SHISA6: variants seen among roughly 807,000 people sequenced by gnomAD.
SHISA6 encodes protein shisa-6.
SHISA6 carries 22 observed loss-of-function variants against 47.9 expected under a neutral mutation model. The ratio of observed to expected loss-of-function variants is 0.46; its 90% CI spans 0.33 to 0.66. The LOEUF (loss-of-function observed/expected upper bound fraction) is 0.66, where lower values mean the gene tolerates loss of function less well. Ranked by LOEUF, SHISA6 falls within the 30% of genes least tolerant of loss-of-function variation. SHISA6 has a pLI of 0.02. For missense variants in SHISA6, 680 were observed against 764.6 expected (o/e 0.89, Z 1.30); for synonymous variants, 388 against 337.8 (o/e 1.15, Z -1.63).
intron 2 of SHISA6, among the ~76,000 whole-genome samples, chr17:11,346,213 G>A (rs1044528779): frequency 6.6e-6 from 1 of 152,002 alleles, no homozygotes; most frequent in Non-Finnish European, 1.5e-5. Context: ...AATCATATGG[G>A]TTTTTTGTTG....
chr17:11,311,341 A>G (rs1031736268), intron 2 of SHISA6, among the ~76,000 whole-genome samples: 1 of 151,232 alleles, frequency 6.6e-6, no homozygotes, highest in African/African-American at 2.4e-5. Context: ...TTGTGTGGAC[A>G]GGAAACTAAG....
At chr17:11,435,154 T>A (rs1200950497) in intron 3 of SHISA6, among the ~76,000 whole-genome samples, 2 of 152,108 alleles carry the variant, frequency 1.3e-5, no homozygotes, top group Non-Finnish European at 2.9e-5. Flanking sequence ...TCTCTCTCTC[T>A]TTTTTAACCA....
At chr17:11,464,939 TA>T (rs10706598) in intron 3 of SHISA6, among the ~76,000 whole-genome samples, 47,507 of 145,122 alleles carry the variant, frequency 0.33, 7,636 homozygotes, top group Admixed American at 0.37. Context: ...CAAAACTGAT[TA>T]AAAAAAAAAA....
chr17:11,556,872 G>T (rs1206000685), intron 5 of SHISA6, among the ~76,000 whole-genome samples: 1 of 152,168 alleles, frequency 6.6e-6, no homozygotes, highest in Non-Finnish European at 1.5e-5. Flanking sequence ...GGGCAATGCA[G>T]GTTTGTGTGT....
chr17:11,375,978 T>A (rs1310776274), intron 2 of SHISA6, among the ~76,000 whole-genome samples: 3 of 152,180 alleles, frequency 2.0e-5, no homozygotes, highest in African/African-American at 7.2e-5. Context: ...GGACTGTGTG[T>A]CTGTCCGTCC....
In SHISA6 at chr17:11,559,448, G is replaced by A. The variant is rs77794207; in HGVS notation, c.*1144G>A. On this transcript the variant is annotated 3_prime_UTR_variant, in exon 6 of 6. Coordinates refer to ENST00000441885, the MANE Select transcript of SHISA6 (RefSeq NM_207386.4). The surrounding 1 kb of genome is among the most constrained non-coding windows in gnomAD (Gnocchi z 4.4). ...CCCCAGACAAGGAGGATGAGAGGTG[G>A]TTGTCCTGCATCCTCTCCGCTCATC... The A allele has an allele frequency of 7.9e-3, 1,199 of 152,472 alleles. 19 individuals carry two copies. The highest frequency in any genetic ancestry group is 0.027 in the African/African-American group (1,131 of 41,538). The allele number at this position is 152,472 out of a possible 1,614,324, so 9.4% of individuals were successfully genotyped here.
At chr17:11,449,341 G>A (rs190797492) in intron 3 of SHISA6, among the ~76,000 whole-genome samples, 6 of 152,274 alleles carry the variant, frequency 3.9e-5, no homozygotes, top group African/African-American at 1.2e-4. Context: ...TACTCAGGAG[G>A]CTAAGGCAGG....
In SHISA6 at chr17:11,559,441, A is replaced by C. The variant is rs1293573904; in HGVS notation, c.*1137A>C. The C allele has an allele frequency of 6.6e-6, 1 of 152,380 alleles. No individual in the cohort carries two copies. The highest frequency in any genetic ancestry group is 1.5e-5 in the Non-Finnish European group (1 of 68,214). 9.4% of individuals were successfully genotyped at this position (152,380 alleles called of 1,614,324 possible). A position where few individuals can be genotyped will look rare whatever the true frequency, so the allele number is the denominator to read the frequency against. On this transcript the variant is annotated 3_prime_UTR_variant, in exon 6 of 6. Transcript: ENST00000441885. This position sits in a 1 kb window ranked among gnomAD's most constrained non-coding sequence, Gnocchi z 4.4. ...TTTCAGCCCCCAGACAAGGAGGATGAGAGGTGGTTGTCCTGCATCCTCTCC... is the reference window on the plus strand; with the variant it reads ...TTTCAGCCCCCAGACAAGGAGGATGCGAGGTGGTTGTCCTGCATCCTCTCC...
chr17:11,407,691 G>T (rs1157433502), intron 3 of SHISA6, among the ~76,000 whole-genome samples: 1 of 152,132 alleles, frequency 6.6e-6, no homozygotes, highest in Non-Finnish European at 1.5e-5. Flanking sequence ...GAGGAGTTCG[G>T]TTGATGGTTT....
chr17:11,501,332 G>A (rs1004881662), intron 3 of SHISA6, among the ~76,000 whole-genome samples: 2 of 151,946 alleles, frequency 1.3e-5, no homozygotes, highest in African/African-American at 2.4e-5. Flanking sequence ...GGCTGGTCAC[G>A]AACTCCTGAC....
chr17:11,498,547 A>G (rs1286163147), intron 3 of SHISA6, among the ~76,000 whole-genome samples: 1 of 152,230 alleles, frequency 6.6e-6, no homozygotes, highest in African/African-American at 2.4e-5. Context: ...AAGGGGCTGA[A>G]TGTTTAAGGG....
chr17:11,449,857 T>C (rs1040756987), intron 3 of SHISA6, among the ~76,000 whole-genome samples: 1 of 152,196 alleles, frequency 6.6e-6, no homozygotes, highest in East Asian at 1.9e-4. Flanking sequence ...TGTCTCTGTC[T>C]TCACATGGTG....
At chr17:11,351,184 T>C (rs1353859110) in intron 2 of SHISA6, among the ~76,000 whole-genome samples, 1 of 152,038 alleles carries the variant, frequency 6.6e-6, no homozygotes, top group Non-Finnish European at 1.5e-5. Context: ...GAGAAATGTG[T>C]AAGGCATGCG....
At chr17:11,281,360 A>C (rs1320026732) in intron 2 of SHISA6, among the ~76,000 whole-genome samples, 1 of 152,130 alleles carries the variant, frequency 6.6e-6, no homozygotes, top group Non-Finnish European at 1.5e-5. Flanking sequence ...TTTTATGAGG[A>C]GTGGATATTG....
chr17:11,447,651 C>T (rs960875819), intron 3 of SHISA6, among the ~76,000 whole-genome samples: 1 of 152,206 alleles, frequency 6.6e-6, no homozygotes, highest in Admixed American at 6.5e-5. Context: ...CGTATAATAC[C>T]TTTGCTGATT....
chr17:11,435,595 C>G (rs1914913932), intron 3 of SHISA6, among the ~76,000 whole-genome samples: 1 of 152,086 alleles, frequency 6.6e-6, no homozygotes, highest in Non-Finnish European at 1.5e-5. Flanking sequence ...CCTTGGACAC[C>G]CCCAAATGCC....
At chr17:11,482,016 A>G (rs925744369) in intron 3 of SHISA6, among the ~76,000 whole-genome samples, 1 of 152,204 alleles carries the variant, frequency 6.6e-6, no homozygotes, top group African/African-American at 2.4e-5. Context: ...CAGAGAAAAG[A>G]CTTTGAAGTG....
chr17:11,392,431 G>T (rs1005760603), intron 3 of SHISA6, among the ~76,000 whole-genome samples: 2 of 152,088 alleles, frequency 1.3e-5, no homozygotes, highest in African/African-American at 4.8e-5. Flanking sequence ...GTCCCATCGG[G>T]GTGAGTTCTT....
intron 1 of SHISA6, among the ~76,000 whole-genome samples, chr17:11,242,922 C>A (rs892918672): frequency 6.6e-6 from 1 of 152,126 alleles, no homozygotes; most frequent in African/African-American, 2.4e-5. Context: ...GAAACCCAGC[C>A]TCCCCTTAGA....
Sources: allele counts gnomAD v4.1 joint callset (sites outside exome capture counted in the v4.1 genomes callset), GRCh38; gene constraint gnomAD v4.1.1; non-coding constraint Gnocchi (gnomAD v3.1); transcripts MANE v1.5; gene names NCBI Gene and HGNC (gene_info 2026-07-23, HGNC 2026-07-21).